ELMO1: variants seen among roughly 807,000 people sequenced by gnomAD.
ELMO1 encodes the protein engulfment and cell motility 1.
In ELMO1, 26 loss-of-function variants were observed where a neutral mutation model predicts 98.9. The observed-to-expected ratio is 0.26, with a 90% CI of 0.19 to 0.36. The LOEUF is 0.36. ELMO1 is among the 10% of genes least tolerant of loss of function. The pLI is 1.00. For synonymous variants in ELMO1, 346 were observed against 346.0 expected (o/e 1.00, Z 0.00); for missense variants, 627 against 935.2 (o/e 0.67, Z 4.30).
At chr7:37,018,168 C>T (rs1190879009) in intron 15 of ELMO1, among the ~76,000 whole-genome samples, 1 of 149,466 alleles carries the variant, frequency 6.7e-6, no homozygotes, top group Admixed American at 6.7e-5. Flanking sequence ...CTCCTGTTGC[C>T]CAGGCTGGAG....
At chr7:37,215,419 A>G (rs1793224443) in intron 11 of ELMO1, among the ~76,000 whole-genome samples, 1 of 152,170 alleles carries the variant, frequency 6.6e-6, no homozygotes, top group Admixed American at 6.5e-5. Flanking sequence ...TTGACCCTGA[A>G]GAGACTGCTC....
At chr7:36,888,379 A>G (rs1400131584) in intron 17 of ELMO1, among the ~76,000 whole-genome samples, 1 of 152,148 alleles carries the variant, frequency 6.6e-6, no homozygotes, top group Non-Finnish European at 1.5e-5. Context: ...TTATCATAGG[A>G]AATTTTATGT....
intron 6 of ELMO1, among the ~76,000 whole-genome samples, chr7:37,246,421 G>A (rs1795008610): frequency 6.6e-6 from 1 of 152,072 alleles, no homozygotes; most frequent in East Asian, 1.9e-4. Context: ...GTATTATAGT[G>A]GAGACATCTG....
At chr7:37,148,062 A>G (rs915555690) in intron 13 of ELMO1, among the ~76,000 whole-genome samples, 3 of 152,228 alleles carry the variant, frequency 2.0e-5, no homozygotes, top group Non-Finnish European at 2.9e-5. Context: ...TGTATACAGC[A>G]GAGACACTGT....
chr7:37,092,872 ATCAC>A (rs1279838908), intron 15 of ELMO1, among the ~76,000 whole-genome samples: 1 of 151,516 alleles, frequency 6.6e-6, no homozygotes, highest in Non-Finnish European at 1.5e-5. Flanking sequence ...CCCAAATGCA[ATCAC>A]TCTACTTTCT....
At chr7:37,402,920 T>C (rs1465646418) in intron 1 of ELMO1, among the ~76,000 whole-genome samples, 3 of 152,228 alleles carry the variant, frequency 2.0e-5, no homozygotes, top group Non-Finnish European at 2.9e-5. Flanking sequence ...AATCTTGTCA[T>C]ACAATCTGGC....
chr7:37,407,064 T>A (rs903512051), intron 1 of ELMO1, among the ~76,000 whole-genome samples: 7 of 152,190 alleles, frequency 4.6e-5, no homozygotes, highest in Admixed American at 2.6e-4. Context: ...ATACAAAATC[T>A]GCACGCATGT....
At position 36,865,098 on chromosome 7, in the gene ELMO1, C is replaced by A. The variant is rs767455851; in HGVS notation, c.1906-3362G>T. ...GGTCAAATGAGGAACCGACTGATAA[C>A]AAGAGTAGAGTTGTATGCAACATAT... On this transcript the variant is annotated intron_variant, in intron 20 of 21. Transcript: ENST00000310758. Among the ~76,000 whole-genome samples the A allele has an allele frequency of 1.5e-3, 234 of 152,310 alleles. 3 individuals are homozygous for A. Among genetic ancestry groups the A allele is most frequent in the Non-Finnish European group, 8.1e-4 (55 of 68,038 alleles).
intron 1 of ELMO1, among the ~76,000 whole-genome samples, chr7:37,447,748 A>G (rs1295500687): frequency 8.6e-6 from 1 of 116,338 alleles, no homozygotes; most frequent in Non-Finnish European, 2.0e-5. Flanking sequence ...ACACACACAC[A>G]CGCCGCCTCG....
chr7:37,345,530 T>C (rs1048334874), intron 1 of ELMO1, among the ~76,000 whole-genome samples: 2 of 151,988 alleles, frequency 1.3e-5, no homozygotes, highest in African/African-American at 4.8e-5. Context: ...GCCAACATGG[T>C]GAAACCTCAT....
At chr7:37,322,660 AGGCACGGTGGC>A (rs2131149177) in intron 2 of ELMO1, among the ~76,000 whole-genome samples, 1 of 151,606 alleles carries the variant, frequency 6.6e-6, no homozygotes, top group African/African-American at 2.4e-5. Context: ...AAAATTAGCC[AGGCACGGTGGC>A]GTGTGCCTAT....
intron 2 of ELMO1, among the ~76,000 whole-genome samples, chr7:37,326,282 C>T (rs921027320): frequency 6.6e-5 from 10 of 152,134 alleles, no homozygotes; most frequent in East Asian, 1.9e-4. Flanking sequence ...GGGCCAGGCA[C>T]GGTGGCTCAC....
intron 16 of ELMO1, among the ~76,000 whole-genome samples, chr7:36,907,513 G>C (rs1181875917): frequency 6.6e-6 from 1 of 152,156 alleles, no homozygotes; most frequent in African/African-American, 2.4e-5. Flanking sequence ...TGCAAAACCT[G>C]GACAGTTCCT....
chr7:37,114,099 C>A (rs952008229), intron 14 of ELMO1, among the ~76,000 whole-genome samples: 7 of 152,182 alleles, frequency 4.6e-5, no homozygotes, highest in African/African-American at 1.7e-4. Context: ...AGAGCTGTGG[C>A]AAAAGTGCTG....
At chr7:37,278,677 T>A (rs1412978546) in intron 4 of ELMO1, among the ~76,000 whole-genome samples, 1 of 152,190 alleles carries the variant, frequency 6.6e-6, no homozygotes, top group East Asian at 1.9e-4. Flanking sequence ...ATGAGGTAAT[T>A]CCTTGCAGTC....
intron 20 of ELMO1, among the ~76,000 whole-genome samples, chr7:36,869,438 A>G (rs900348896): frequency 2.0e-5 from 3 of 152,218 alleles, no homozygotes; most frequent in African/African-American, 4.8e-5. Flanking sequence ...AATAGAAATT[A>G]CACAGTGGAA....
At chr7:37,395,942 C>G (rs1461651209) in intron 1 of ELMO1, among the ~76,000 whole-genome samples, 1 of 151,310 alleles carries the variant, frequency 6.6e-6, no homozygotes, top group Non-Finnish European at 1.5e-5. Flanking sequence ...TTTTTGTAGG[C>G]AGTCTCAGCT....
intron 15 of ELMO1, among the ~76,000 whole-genome samples, chr7:37,056,002 A>G (rs961569477): frequency 1.3e-5 from 2 of 152,226 alleles, no homozygotes; most frequent in Admixed American, 1.3e-4. Context: ...ATTCAGAAAC[A>G]TTTGGTGCTT....
intron 5 of ELMO1, chr7:37,270,006 G>A (rs1796472109): frequency 6.6e-6 from 1 of 152,176 alleles, no homozygotes; most frequent in South Asian, 2.1e-4. Flanking sequence ...TTGGCTTAGA[G>A]AAGGCTTTGA....
Sources: allele counts gnomAD v4.1 joint callset (sites outside exome capture counted in the v4.1 genomes callset), GRCh38; gene constraint gnomAD v4.1.1; transcripts MANE v1.5; gene names NCBI Gene and HGNC (gene_info 2026-07-23, HGNC 2026-07-21).